Variants in FHOD3 observed in about 807,000 individuals in gnomAD.
The protein encoded by FHOD3 is formin homology 2 domain containing 3.
FHOD3 carries 90 observed loss-of-function variants against 173.0 expected under a neutral mutation model. The ratio of observed to expected loss-of-function variants is 0.52; its 90% CI spans 0.44 to 0.62. The LOEUF is 0.62. Among genes scored for constraint, FHOD3 ranks in the 20% least tolerant of loss-of-function variants. The pLI, the probability that FHOD3 is intolerant of heterozygous loss-of-function variation, is 0.00. For missense variants in FHOD3, 1,945 were observed against 2,034.7 expected (o/e 0.96, Z 0.85); for synonymous variants, 828 against 823.0 (o/e 1.01, Z -0.10).
chr18:36,507,540 C>G (rs2055369438), intron 4 of FHOD3, among the ~76,000 whole-genome samples: 1 of 152,162 alleles, frequency 6.6e-6, no homozygotes, highest in Admixed American at 6.5e-5. Flanking sequence ...AGTCTGTGAG[C>G]TCACTGGGGT....
chr18:36,434,060 A>G (rs537943004), intron 3 of FHOD3, among the ~76,000 whole-genome samples: 48 of 152,266 alleles, frequency 3.2e-4, no homozygotes, highest in African/African-American at 1.2e-3. Context: ...AGGCTTCCTG[A>G]TTAGATTAGA....
intron 3 of FHOD3, among the ~76,000 whole-genome samples, chr18:36,410,928 C>T (rs1425526979): frequency 6.6e-6 from 1 of 152,116 alleles, no homozygotes; most frequent in East Asian, 1.9e-4. Context: ...CAGATATACG[C>T]TTTGCAAATA....
chr18:36,633,263 T>A (rs1472125953), intron 10 of FHOD3, among the ~76,000 whole-genome samples: 1 of 152,232 alleles, frequency 6.6e-6, no homozygotes, highest in Non-Finnish European at 1.5e-5. Flanking sequence ...ATTGGGAAGC[T>A]GCTGATCACT....
intron 5 of FHOD3, chr18:36,544,818 G>A (rs1376868617): frequency 6.6e-6 from 1 of 152,104 alleles, no homozygotes; most frequent in East Asian, 1.9e-4. Flanking sequence ...AGAGCAATGG[G>A]TACTTTTCCA....
rs2042576600 is a variant in FHOD3 at position 36,755,216 on chromosome 18, G to T, written c.4330G>T (p.Glu1444Ter). 6.2e-7 allele frequency: 1 copy of T among 1,612,456 alleles called. No homozygotes were observed. ...FCRIISEFALEYRTTRERVLQ... is the reference protein window; with the variant it reads ...FCRIISEFAL ...CAGGATTATTAGTGAATTTGCACTA[G>T]AGTATCGCACAACCAGGGAAAGGGT... Residue 1444 changes from glutamate to a stop codon, truncating the protein, a stop_gained, in exon 25 of 29, where the codon GAG (glutamate) becomes TAG (stop). Transcript: ENST00000590592. LOFTEE classifies it high-confidence loss of function.
At chr18:36,384,570 C>CAAA (rs57653216) in intron 3 of FHOD3, among the ~76,000 whole-genome samples, 76 of 115,222 alleles carry the variant, frequency 6.6e-4, no homozygotes, top group Admixed American at 2.2e-3. Context: ...AACTGCATCT[C>CAAA]AAAAAAAAAA....
chr18:36,656,541 G>A (rs572258483), intron 13 of FHOD3, among the ~76,000 whole-genome samples: 14 of 152,110 alleles, frequency 9.2e-5, no homozygotes, highest in Admixed American at 4.6e-4. Context: ...GATGCGGGTC[G>A]TATCAATATT....
intron 5 of FHOD3, among the ~76,000 whole-genome samples, chr18:36,535,019 T>C (rs2056937790): frequency 6.6e-6 from 1 of 152,236 alleles, no homozygotes; most frequent in Admixed American, 6.5e-5. Flanking sequence ...CTTGTTTTAC[T>C]AACTTGTCCC....
chr18:36,558,988 C>T (rs1219738381), intron 5 of FHOD3, among the ~76,000 whole-genome samples: 1 of 150,420 alleles, frequency 6.6e-6, no homozygotes, highest in African/African-American at 2.4e-5. Context: ...CCTCCTCTGA[C>T]AAGCTATTCT....
rs554487359 is a variant in FHOD3 at position 36,740,680 on chromosome 18, G to T, written c.3601G>T (p.Asp1201Tyr). 6.2e-7 allele frequency: 1 copy of T among 1,613,746 alleles called. No individual in the cohort carries two copies. Residue 1201 changes from aspartate to tyrosine, a missense_variant, in exon 21 of 29, where the codon GAT becomes TAT. By Grantham distance (160) the Asp-to-Tyr change is radical. Coordinates refer to ENST00000590592, the MANE Select transcript of FHOD3 (RefSeq NM_001281740.3). ...GAAAATTCTAACGATGATTCCCACC[G>T]ATGAGGAGAAGCAGAAAATCCAGGA... Reference protein sequence around the residue: ...IEKILTMIPTDEEKQKIQEAQ... With the variant: ...IEKILTMIPTYEEKQKIQEAQ...
intron 13 of FHOD3, 144 bp downstream of exon 13, chr18:36,653,560 C>T (rs143980647): frequency 4.1e-5 from 27 of 651,320 alleles, no homozygotes; most frequent in Middle Eastern, 3.1e-4. Flanking sequence ...GTATTAATTA[C>T]GTATTTTACT....
At chr18:36,499,627 A>G (rs2054925720) in intron 3 of FHOD3, among the ~76,000 whole-genome samples, 1 of 152,074 alleles carries the variant, frequency 6.6e-6, no homozygotes, top group African/African-American at 2.4e-5. Context: ...AAGTGTGATC[A>G]CCCCAGAGAC....
intron 10 of FHOD3, among the ~76,000 whole-genome samples, chr18:36,633,257 G>A (rs1349162187): frequency 6.6e-6 from 1 of 152,208 alleles, no homozygotes; most frequent in Non-Finnish European, 1.5e-5. Context: ...GATCTTATTG[G>A]GAAGCTGCTG....
intron 3 of FHOD3, among the ~76,000 whole-genome samples, chr18:36,420,236 C>T (rs1275056281): frequency 1.3e-5 from 2 of 152,192 alleles, no homozygotes; most frequent in Non-Finnish European, 2.9e-5. Flanking sequence ...ATGGTGTACA[C>T]TTGTTAGCAG....
intron 19 of FHOD3, among the ~76,000 whole-genome samples, chr18:36,719,697 G>A (rs980035423): frequency 6.6e-6 from 1 of 152,200 alleles, no homozygotes; most frequent in East Asian, 1.9e-4. Context: ...GGGTGAGTAT[G>A]AAACTGTCTG....
chr18:36,627,073 A>G (rs900381392), intron 10 of FHOD3, among the ~76,000 whole-genome samples: 5 of 152,184 alleles, frequency 3.3e-5, no homozygotes, highest in Non-Finnish European at 7.4e-5. Context: ...TGAAAAGAAG[A>G]CCTAAACTTC....
chr18:36,626,265 T>G (rs2148808210), intron 10 of FHOD3, among the ~76,000 whole-genome samples: 2 of 152,320 alleles, frequency 1.3e-5, no homozygotes, highest in East Asian at 3.9e-4. Flanking sequence ...AACATTTTTA[T>G]TGAGTGTCTG....
At chr18:36,716,844 G>A (rs2040475755) in intron 18 of FHOD3, among the ~76,000 whole-genome samples, 2 of 152,120 alleles carry the variant, frequency 1.3e-5, no homozygotes. Flanking sequence ...AAAGTTAGGT[G>A]ATAGCTAGAG....
At chr18:36,364,765 T>C (rs1321700397) in intron 2 of FHOD3, among the ~76,000 whole-genome samples, 1 of 152,214 alleles carries the variant, frequency 6.6e-6, no homozygotes, top group Non-Finnish European at 1.5e-5. Flanking sequence ...ACCAGCAGCA[T>C]CTGCCTCCGC....
Sources: allele counts gnomAD v4.1 joint callset (sites outside exome capture counted in the v4.1 genomes callset), GRCh38; gene constraint gnomAD v4.1.1; transcripts MANE v1.5; gene names NCBI Gene and HGNC (gene_info 2026-07-23, HGNC 2026-07-21).